WDR27: variants seen among roughly 807,000 people sequenced by gnomAD.
The protein encoded by WDR27 is WD repeat-containing protein 27.
Under a neutral mutation model 114.4 loss-of-function variants are expected in WDR27, and 100 were observed. That is an observed-to-expected ratio of 0.87 (90% CI 0.74 to 1.03). The LOEUF is 1.03. WDR27 is among the 50% of genes least tolerant of loss of function. The probability of loss-of-function intolerance (pLI) is 0.00; values close to 1 mark genes in which losing one functional copy is unlikely to be tolerated. For synonymous variants in WDR27, 449 were observed against 423.1 expected (o/e 1.06, Z -0.75); for missense variants, 1,129 against 1,092.9 (o/e 1.03, Z -0.47).
intron 23 of WDR27, among the ~76,000 whole-genome samples, chr6:169,589,611 A>C (rs1805312545): frequency 6.6e-6 from 1 of 152,242 alleles, no homozygotes; most frequent in African/African-American, 2.4e-5. Flanking sequence ...GGGGTACATG[A>C]ATTTTCTGAT....
chr6:169,461,955 C>T (rs529624702), intron 25 of WDR27, among the ~76,000 whole-genome samples: 63 of 152,034 alleles, frequency 4.1e-4, no homozygotes, highest in African/African-American at 1.5e-3. Flanking sequence ...AAGTTATGGA[C>T]ATTACTACTA....
chr6:169,646,499 C>A (rs112888727), intron 16 of WDR27, among the ~76,000 whole-genome samples: 2,721 of 152,258 alleles, frequency 0.018, 59 homozygotes, highest in African/African-American at 0.047. Context: ...GTAATCCCAG[C>A]ACTTTGGGAG....
rs1821607525 is a variant in WDR27, at chr6:169,649,228, C to CAAAG, written c.1528_1529insCTTT (p.Gly510AlafsTer63). On this transcript the variant is annotated frameshift_variant, in exon 15 of 26. Coordinates refer to ENST00000448612, the MANE Select transcript of WDR27 (RefSeq NM_182552.5). LOFTEE classifies it high-confidence loss of function. ...GCAGCTGCTCCTGCTCCTTGAAGATCCTTTCCCCTCACTCTTGATGTTGGT... is the reference window on the plus strand; with the variant it reads ...GCAGCTGCTCCTGCTCCTTGAAGATCAAAGCTTTCCCCTCACTCTTGATGTTGGT... 1.9e-6 allele frequency: 3 copies of CAAAG among 1,578,272 alleles called. No individual in the cohort carries two copies. The highest frequency in any genetic ancestry group is 8.6e-7 in the Non-Finnish European group (1 of 1,161,298).
intron 25 of WDR27, among the ~76,000 whole-genome samples, chr6:169,511,534 T>G (rs11751358): frequency 2.4e-4 from 37 of 151,854 alleles, no homozygotes; most frequent in Non-Finnish European, 4.3e-4. Flanking sequence ...ATCTGTATTA[T>G]AAGAAAATTA....
intron 17 of WDR27, among the ~76,000 whole-genome samples, chr6:169,641,425 CTCT>C (rs1219834816): frequency 6.6e-6 from 1 of 152,146 alleles, no homozygotes; most frequent in Non-Finnish European, 1.5e-5. Context: ...GGCCTCCCTC[CTCT>C]TTTCAGTTGG....
At chr6:169,510,190 A>G (rs966809001) in intron 25 of WDR27, among the ~76,000 whole-genome samples, 3 of 152,206 alleles carry the variant, frequency 2.0e-5, no homozygotes, top group African/African-American at 7.2e-5. Flanking sequence ...GTGGGACTGT[A>G]AACTAGTTCA....
Position 169,659,790 on chromosome 6 carries a change from C to T in WDR27, c.1130-272G>A, listed in dbSNP as rs112804544. 3.0e-4 allele frequency among the ~76,000 whole-genome samples: 45 copies of T among 152,218 alleles called. No individual in the cohort carries two copies. The highest frequency in any genetic ancestry group is 3.1e-4 in the Non-Finnish European group (21 of 68,004). ...GGCTGGGATGTGACTCGGACTGAGACCTGCAGCTCAGCCTCCTGGAGAAGC... is the reference window on the plus strand; with the variant it reads ...GGCTGGGATGTGACTCGGACTGAGATCTGCAGCTCAGCCTCCTGGAGAAGC... On this transcript the variant is annotated intron_variant, in intron 10 of 25. Transcript: ENST00000448612. This position sits in a 1 kb window ranked among gnomAD's most constrained non-coding sequence, Gnocchi z 4.3.
At chr6:169,691,307 T>C (rs979268163) in intron 1 of WDR27, among the ~76,000 whole-genome samples, 1 of 152,202 alleles carries the variant, frequency 6.6e-6, no homozygotes, top group Non-Finnish European at 1.5e-5. Context: ...TAAAAGCATG[T>C]GTACATTATT....
rs968813263 is a variant in WDR27, at chr6:169,684,598, C to G, written c.189+4219G>C. ...CTGTGCCCACACCCAGGAGACATACCCCCAGGTCAGCCAAGCAGCCATAAG... is the reference window on the plus strand; with the variant it reads ...CTGTGCCCACACCCAGGAGACATACGCCCAGGTCAGCCAAGCAGCCATAAG... On this transcript the variant is annotated intron_variant, in intron 2 of 25. Coordinates refer to ENST00000448612, the MANE Select transcript of WDR27 (RefSeq NM_182552.5). The surrounding 1 kb of genome is among the most constrained non-coding windows in gnomAD (Gnocchi z 4.3). Among the ~76,000 whole-genome samples the G allele has an allele frequency of 7.2e-5, 11 of 152,200 alleles. No homozygotes were observed. Among genetic ancestry groups the G allele is most frequent in the African/African-American group, 2.7e-4 (11 of 41,452 alleles).
At chr6:169,477,264 T>C (rs952409096) in intron 25 of WDR27, among the ~76,000 whole-genome samples, 4 of 152,356 alleles carry the variant, frequency 2.6e-5, no homozygotes, top group Non-Finnish European at 5.9e-5. Context: ...TACATAATTT[T>C]GTTCATAACT....
chr6:169,590,895 A>C (rs575251873), intron 23 of WDR27, among the ~76,000 whole-genome samples: 1 of 152,314 alleles, frequency 6.6e-6, no homozygotes, highest in Middle Eastern at 3.4e-3. Context: ...TGAGACGGAC[A>C]TTTAGGGTAC....
chr6:169,643,636 C>A, intron 17 of WDR27, 61 bp downstream of exon 17: 2 of 1,425,972 alleles, frequency 1.4e-6, no homozygotes, highest in Non-Finnish European at 1.9e-6. Flanking sequence ...CAACTGATAA[C>A]CAGGACCTAA....
intron 25 of WDR27, among the ~76,000 whole-genome samples, chr6:169,467,903 G>A (rs528784422): frequency 6.6e-6 from 1 of 152,242 alleles, no homozygotes; most frequent in East Asian, 1.9e-4. Context: ...CCTTTTAAAC[G>A]TAAGTTCCAA....
intron 25 of WDR27, among the ~76,000 whole-genome samples, chr6:169,551,737 C>CAAAAA (rs1296878043): frequency 2.8e-4 from 17 of 60,688 alleles, no homozygotes; most frequent in South Asian, 5.3e-4. Context: ...GACTCCATCT[C>CAAAAA]AAAAAAAAAA....
intron 25 of WDR27, among the ~76,000 whole-genome samples, chr6:169,512,865 AAGATAGAAAAC>A (rs1422360024): frequency 2.0e-5 from 3 of 152,212 alleles, no homozygotes; most frequent in Non-Finnish European, 4.4e-5. Flanking sequence ...AAAATCTGTG[AAGATAGAAAAC>A]ACATAGAAAA....
At chr6:169,453,242 G>A (rs1178825554), downstream of WDR27, among the ~76,000 whole-genome samples, 1 of 152,164 alleles carries the variant, frequency 6.6e-6, no homozygotes, top group African/African-American at 2.4e-5. Context: ...TTGTAACTGG[G>A]GTTCAGTGAG....
intron 25 of WDR27, among the ~76,000 whole-genome samples, chr6:169,468,979 A>C (rs1009123714): frequency 2.0e-5 from 3 of 152,078 alleles, no homozygotes; most frequent in Non-Finnish European, 4.4e-5. Flanking sequence ...TAATGTCTCC[A>C]ATCTTATAGA....
chr6:169,499,603 C>T lies in WDR27; in HGVS notation c.2646-41969G>A, dbSNP rs572208362. On this transcript the variant is annotated intron_variant, in intron 25 of 25. Coordinates refer to ENST00000448612, the MANE Select transcript of WDR27 (RefSeq NM_182552.5). ...ACCTAAGACAGCCAGAAGACAGTCGCTTCCCGCAGTGTTGAGAAGGAAATA... is the reference window on the plus strand; with the variant it reads ...ACCTAAGACAGCCAGAAGACAGTCGTTTCCCGCAGTGTTGAGAAGGAAATA... 3.3e-4 allele frequency among the ~76,000 whole-genome samples: 51 copies of T among 152,370 alleles called. No homozygotes were observed. In the South Asian group the frequency reaches 0.011, roughly 32 times the overall value.
intron 25 of WDR27, among the ~76,000 whole-genome samples, chr6:169,494,363 A>C (rs1790142105): frequency 6.6e-6 from 1 of 152,132 alleles, no homozygotes; most frequent in Admixed American, 6.6e-5. Flanking sequence ...CTTTGTACTT[A>C]AAGTGAAACA....
Sources: allele counts gnomAD v4.1 joint callset (sites outside exome capture counted in the v4.1 genomes callset), GRCh38; gene constraint gnomAD v4.1.1; non-coding constraint Gnocchi (gnomAD v3.1); transcripts MANE v1.5; gene names NCBI Gene and HGNC (gene_info 2026-07-23, HGNC 2026-07-21).